Variants in CDH9 observed in about 807,000 individuals in gnomAD.
CDH9 encodes the protein cadherin 9.
Under a neutral mutation model 70.9 loss-of-function variants are expected in CDH9, and 28 were observed. The observed-to-expected ratio is 0.40, with a 90% confidence interval of 0.29 to 0.54. The LOEUF (loss-of-function observed/expected upper bound fraction) is 0.54, where lower values mean the gene tolerates loss of function less well. CDH9 is among the 20% of genes least tolerant of loss of function. The pLI is 0.59. For synonymous variants in CDH9, 409 were observed against 343.1 expected, an observed-to-expected ratio of 1.19 and a Z score of -2.12; for missense variants, 874 against 984.4, an observed-to-expected ratio of 0.89 and a Z score of 1.50.
chr5:26,982,007 T>A (rs1283879342), intron 2 of CDH9, among the ~76,000 whole-genome samples: 1 of 152,086 alleles, frequency 6.6e-6, no homozygotes, highest in Non-Finnish European at 1.5e-5. Flanking sequence ...CCTCTCTCCA[T>A]ACCCTTCTGA....
At chr5:26,965,278 T>A (rs1214133025) in intron 2 of CDH9, among the ~76,000 whole-genome samples, 1 of 152,090 alleles carries the variant, frequency 6.6e-6, no homozygotes, top group Non-Finnish European at 1.5e-5. Flanking sequence ...TTGTATTTCA[T>A]CCTTAAAATA....
intron 1 of CDH9, among the ~76,000 whole-genome samples, chr5:26,990,406 A>G (rs1742561347): frequency 6.6e-6 from 1 of 152,148 alleles, no homozygotes; most frequent in Admixed American, 6.5e-5. Context: ...TAATACATAT[A>G]TATGGTTAAG....
At position 26,906,011 on chromosome 5, in the gene CDH9, T is replaced by G. The variant is rs1304210559; in HGVS notation, c.759A>C (p.Thr253=). The change falls in exon 5 of 12, where the codon ACA becomes ACC. Residue 253 remains threonine, a synonymous_variant. Transcript: ENST00000231021. ...GQMGGLSGTT[T]VNITLTDVNN... is the part of the protein sequence containing the mutation. ...TGACATCTGTCAGCGTGATGTTCACTGTGGTGGTTCCAGAAAGGCCTCCCA... is the reference window on the plus strand; with the variant it reads ...TGACATCTGTCAGCGTGATGTTCACGGTGGTGGTTCCAGAAAGGCCTCCCA... The G allele has an allele frequency of 6.2e-7, 1 of 1,613,828 alleles. No individual in the cohort carries two copies. The highest frequency in any genetic ancestry group is 2.2e-5 in the East Asian group (1 of 44,868).
At chr5:26,915,119 A>G (rs1741124880) in intron 3 of CDH9, among the ~76,000 whole-genome samples, 1 of 151,980 alleles carries the variant, frequency 6.6e-6, no homozygotes, top group Non-Finnish European at 1.5e-5. Flanking sequence ...TTTGATCTTA[A>G]TTCAGTTGCT....
intron 2 of CDH9, among the ~76,000 whole-genome samples, chr5:26,962,037 T>C (rs1742046161): frequency 6.6e-6 from 1 of 152,168 alleles, no homozygotes; most frequent in Non-Finnish European, 1.5e-5. Flanking sequence ...CCATGTGTTC[T>C]CATTGTTAAA....
At chr5:26,998,554 G>A (rs1742706592) in intron 1 of CDH9, among the ~76,000 whole-genome samples, 1 of 151,960 alleles carries the variant, frequency 6.6e-6, no homozygotes, top group South Asian at 2.1e-4. Flanking sequence ...CACAGGAAGG[G>A]GAACATCACA....
At chr5:26,972,202 A>G (rs1490013372) in intron 2 of CDH9, among the ~76,000 whole-genome samples, 1 of 152,190 alleles carries the variant, frequency 6.6e-6, no homozygotes, top group Non-Finnish European at 1.5e-5. Flanking sequence ...ACCAGATGTA[A>G]TAAGACCAGT....
At chr5:26,988,048 GA>G in intron 2 of CDH9, 57 bp downstream of exon 2, 12 of 1,298,462 alleles carry the variant, frequency 9.2e-6, no homozygotes, top group South Asian at 2.7e-5. Flanking sequence ...AAAGTTGCTG[GA>G]AAAAAATAAA....
chr5:27,001,601 A>G (rs1260522614), intron 1 of CDH9, among the ~76,000 whole-genome samples: 7 of 152,144 alleles, frequency 4.6e-5, no homozygotes, highest in Non-Finnish European at 7.4e-5. Context: ...GTATATTTAC[A>G]CAAGTTAGTA....
At chr5:26,970,640 G>C (rs964956554) in intron 2 of CDH9, among the ~76,000 whole-genome samples, 3 of 152,012 alleles carry the variant, frequency 2.0e-5, no homozygotes, top group Non-Finnish European at 2.9e-5. Context: ...AAAGAAGTTT[G>C]ATAGAATAAT....
chr5:26,920,134 C>A lies in CDH9; in HGVS notation c.229-4210G>T, dbSNP rs552541046. ...CAGCATTTCTGAACCTGCCTGGGGA[C>A]AGAAGGAAGCCCACTTCCCTGAAGG... On this transcript the variant is annotated intron_variant, in intron 2 of 11. Transcript: ENST00000231021. Among the ~76,000 whole-genome samples the A allele has an allele frequency of 3.9e-5, 6 of 152,070 alleles. No individual in the cohort carries two copies. The South Asian group carries it at 1.2e-3, about 32-fold the overall frequency.
chr5:26,938,816 ATATAT>A (rs1232139360), intron 2 of CDH9, among the ~76,000 whole-genome samples: 9 of 152,252 alleles, frequency 5.9e-5, no homozygotes, highest in Admixed American at 1.3e-4. Context: ...ATGTTCTGAA[ATATAT>A]TATATCAACT....
chr5:26,926,376 A>G (rs1741339499), intron 2 of CDH9, among the ~76,000 whole-genome samples: 1 of 152,110 alleles, frequency 6.6e-6, no homozygotes, highest in Non-Finnish European at 1.5e-5. Context: ...TAGGAATCCA[A>G]CCTACAAGGG....
At chr5:27,009,734 G>C (rs1032390262) in intron 1 of CDH9, among the ~76,000 whole-genome samples, 4 of 152,054 alleles carry the variant, frequency 2.6e-5, no homozygotes, top group African/African-American at 9.7e-5. Flanking sequence ...GTCTGGCCTG[G>C]TGGTTTCTCT....
chr5:26,922,237 T>C (rs551684737), intron 2 of CDH9, among the ~76,000 whole-genome samples: 1 of 152,080 alleles, frequency 6.6e-6, no homozygotes, highest in East Asian at 1.9e-4. Flanking sequence ...AAGAAGTTTA[T>C]AGAACACAAA....
At chr5:26,995,635 C>T (rs1742652806) in intron 1 of CDH9, among the ~76,000 whole-genome samples, 1 of 151,900 alleles carries the variant, frequency 6.6e-6, no homozygotes, top group African/African-American at 2.4e-5. Context: ...AAGTGCACAC[C>T]CAAAAGGATT....
chr5:26,887,113 C>T (rs1051024233), intron 9 of CDH9, among the ~76,000 whole-genome samples: 1 of 152,208 alleles, frequency 6.6e-6, no homozygotes, highest in African/African-American at 2.4e-5. Context: ...ATGATAATTA[C>T]ATCATTTTGA....
chr5:26,946,606 G>T (rs1741757802), intron 2 of CDH9, among the ~76,000 whole-genome samples: 1 of 152,118 alleles, frequency 6.6e-6, no homozygotes, highest in South Asian at 2.1e-4. Flanking sequence ...TTTATAAATA[G>T]GTTAAGGGAA....
chr5:27,033,872 T>G (rs2112138411), intron 1 of CDH9, among the ~76,000 whole-genome samples: 1 of 151,688 alleles, frequency 6.6e-6, no homozygotes, highest in Middle Eastern at 3.4e-3. Flanking sequence ...CAGTATATTT[T>G]ATATAATGTC....
Sources: allele counts gnomAD v4.1 joint callset (sites outside exome capture counted in the v4.1 genomes callset), GRCh38; gene constraint gnomAD v4.1.1; transcripts MANE v1.5; gene names NCBI Gene and HGNC (gene_info 2026-07-23, HGNC 2026-07-21).